SLC2A9: variants seen among roughly 807,000 people sequenced by gnomAD.
SLC2A9 encodes solute carrier family 2 member 9.
SLC2A9 carries 39 observed loss-of-function variants against 50.6 expected under a neutral mutation model. The observed-to-expected ratio is 0.77, with a 90% CI of 0.60 to 1.01. The LOEUF (loss-of-function observed/expected upper bound fraction) is 1.01, where lower values mean the gene tolerates loss of function less well. SLC2A9 is among the 50% of genes least tolerant of loss of function. The pLI is 0.00. For missense variants in SLC2A9, 686 were observed against 677.6 expected (o/e 1.01, Z -0.14); for synonymous variants, 324 against 276.9 (o/e 1.17, Z -1.69).
chr4:9,982,984 T>A (rs1209349874), intron 4 of SLC2A9, among the ~76,000 whole-genome samples: 1 of 152,174 alleles, frequency 6.6e-6, no homozygotes, highest in Non-Finnish European at 1.5e-5. Context: ...TTCTCCCACC[T>A]CAGCCTCCCG....
chr4:9,869,727 T>A (rs149236596), intron 10 of SLC2A9, among the ~76,000 whole-genome samples: 1 of 152,244 alleles, frequency 6.6e-6, no homozygotes, highest in Non-Finnish European at 1.5e-5. Flanking sequence ...AGACAGTAAG[T>A]AGGTGTCCAA....
intron 3 of SLC2A9, among the ~76,000 whole-genome samples, chr4:9,781,406 G>A (rs950401007): frequency 8.5e-5 from 13 of 152,224 alleles, no homozygotes; most frequent in African/African-American, 2.7e-4. Context: ...TAAGGCTCCA[G>A]GGATGCGCCA....
chr4:9,812,495 GT>G (rs34929839), intron 3 of SLC2A9, among the ~76,000 whole-genome samples: 719 of 145,860 alleles, frequency 4.9e-3, no homozygotes, highest in African/African-American at 0.011. Flanking sequence ...GCATAAACAT[GT>G]TTTTTTTTTT....
At chr4:9,975,362 G>T (rs990624278) in intron 5 of SLC2A9, among the ~76,000 whole-genome samples, 2 of 151,906 alleles carry the variant, frequency 1.3e-5, no homozygotes, top group African/African-American at 4.8e-5. Context: ...TCTGACAAAG[G>T]GCTAAAATCC....
chr4:9,780,493 G>T (rs975188025), intron 3 of SLC2A9, among the ~76,000 whole-genome samples: 2 of 152,154 alleles, frequency 1.3e-5, no homozygotes, highest in Non-Finnish European at 2.9e-5. Flanking sequence ...GTCTGAGAAG[G>T]TGGGCCACTT....
chr4:9,932,749 C>T (rs1337005277), intron 6 of SLC2A9, among the ~76,000 whole-genome samples: 1 of 152,246 alleles, frequency 6.6e-6, no homozygotes, highest in Non-Finnish European at 1.5e-5. Flanking sequence ...CTCAGCCCCA[C>T]AACCACCCTT....
chr4:9,794,346 G>A (rs552974131), downstream of SLC2A9, among the ~76,000 whole-genome samples: 1 of 152,210 alleles, frequency 6.6e-6, no homozygotes, highest in South Asian at 2.1e-4. Flanking sequence ...AGTAGAGATG[G>A]GGTTTCACCA....
chr4:10,035,121 G>C (rs1027022952), intron 1 of SLC2A9: 6 of 152,312 alleles, frequency 3.9e-5, no homozygotes, highest in Non-Finnish European at 5.9e-5. Context: ...CCTCCTGGTA[G>C]AGCACTGCCA....
intron 5 of SLC2A9, among the ~76,000 whole-genome samples, chr4:9,954,450 C>T (rs1750848820): frequency 6.6e-6 from 1 of 152,270 alleles, no homozygotes; most frequent in African/African-American, 2.4e-5. Context: ...TACTGACCTC[C>T]TGCTCTGCCC....
intron 3 of SLC2A9, among the ~76,000 whole-genome samples, chr4:9,801,307 C>A (rs1348126505): frequency 6.6e-6 from 1 of 152,184 alleles, no homozygotes; most frequent in Non-Finnish European, 1.5e-5. Context: ...GCCCAGAAGA[C>A]CCCCTCCTGG....
At chr4:9,826,635 A>T in intron 11 of SLC2A9, 35 bp from the exon 12 acceptor site, 1 of 1,592,198 alleles carries the variant, frequency 6.3e-7, no homozygotes, top group Non-Finnish European at 8.6e-7. Flanking sequence ...CCTCAAATAG[A>T]TAATCAGTAA....
chr4:9,797,035 ATGATCTACCATTATACTG>A (rs1720677033), downstream of SLC2A9, among the ~76,000 whole-genome samples: 1 of 152,186 alleles, frequency 6.6e-6, no homozygotes, highest in Non-Finnish European at 1.5e-5. Context: ...CCACAATACT[ATGATCTACCATTATACTG>A]TGATCTACCA....
chr4:9,879,418 G>T (rs1254412662), intron 10 of SLC2A9: 1 of 984,536 alleles, frequency 1.0e-6, no homozygotes, highest in African/African-American at 1.7e-5. Flanking sequence ...GTGTGGGGCA[G>T]GGGGCAGCTG....
chr4:9,942,027 G>T lies in SLC2A9; in HGVS notation c.700C>A (p.Leu234Met). 6.2e-7 allele frequency: 1 copy of T among 1,614,160 alleles called. No homozygotes were observed. Among genetic ancestry groups the T allele is most frequent in the Non-Finnish European group, 8.5e-7 (1 of 1,180,006 alleles). ...LLGKESTWPY[L>M]FGVIVVPAVV... ...GCAGGGACCACAATCACTCCAAACA[G>T]GTATGGCCAGGTACTCTCCTGTGGG... Residue 234 changes from leucine (L) to methionine (M), a missense_variant, in exon 6 of 12, where the codon CTG becomes ATG. Coordinates refer to ENST00000264784, the MANE Select transcript of SLC2A9 (RefSeq NM_020041.3).
chr4:9,782,096 C>T (rs756170920), intron 3 of SLC2A9: 3 of 1,529,436 alleles, frequency 2.0e-6, no homozygotes, highest in Non-Finnish European at 2.6e-6. Flanking sequence ...GCAGCTGGCG[C>T]AGGGGAACGC....
intron 3 of SLC2A9, among the ~76,000 whole-genome samples, chr4:9,989,717 C>T (rs1184095432): frequency 6.6e-6 from 1 of 152,104 alleles, no homozygotes; most frequent in African/African-American, 2.4e-5. Flanking sequence ...TCCCATTTTG[C>T]TCAGAGGAAG....
intron 2 of SLC2A9, among the ~76,000 whole-genome samples, chr4:9,999,462 T>C (rs1759375706): frequency 6.6e-6 from 1 of 152,124 alleles, no homozygotes; most frequent in South Asian, 2.1e-4. Flanking sequence ...GCATAATACA[T>C]GCTGCCATTT....
intron 3 of SLC2A9, among the ~76,000 whole-genome samples, chr4:9,819,456 T>C (rs1724101782): frequency 6.6e-6 from 1 of 152,250 alleles, no homozygotes; most frequent in African/African-American, 2.4e-5. Context: ...TTCATGCTTA[T>C]TTGCCATTTG....
At chr4:9,870,942 G>T (rs1218496697) in intron 10 of SLC2A9, among the ~76,000 whole-genome samples, 3 of 152,068 alleles carry the variant, frequency 2.0e-5, no homozygotes, top group Non-Finnish European at 2.9e-5. Context: ...GGGTGTGTGG[G>T]GTCTTGCTGT....
Sources: allele counts gnomAD v4.1 joint callset (sites outside exome capture counted in the v4.1 genomes callset), GRCh38; gene constraint gnomAD v4.1.1; transcripts MANE v1.5; gene names NCBI Gene and HGNC (gene_info 2026-07-23, HGNC 2026-07-21).